Variants in CXCL1 observed in about 807,000 individuals in gnomAD.
The protein encoded by CXCL1 is C-X-C motif chemokine ligand 1, also known as growth-regulated alpha protein.
CXCL1 carries 9 observed loss-of-function variants against 11.7 expected under a neutral mutation model. The ratio of observed to expected loss-of-function variants is 0.77; its 90% CI spans 0.46 to 1.34. The LOEUF is 1.34. CXCL1 is among the 40% of genes most tolerant of loss of function. The pLI is 0.00. For synonymous variants in CXCL1, 78 were observed against 59.1 expected, an observed-to-expected ratio of 1.32 and a Z score of -1.47; for missense variants, 146 against 138.1, an observed-to-expected ratio of 1.06 and a Z score of -0.29.
chr4:73,870,207 C>G (rs569188798), intron 3 of CXCL1: 18 of 637,708 alleles, frequency 2.8e-5, no homozygotes, highest in African/African-American at 1.7e-4. Flanking sequence ...GTTCTTCCTT[C>G]GTTCCAATGA....
chr4:73,869,495 G>A lies in CXCL1; in HGVS notation c.25G>A (p.Ala9Thr). Residue 9 changes from alanine to threonine, a missense_variant, in exon 1 of 4, where the codon GCC becomes ACC. Physicochemically the swap from Ala to Thr is moderately conservative, Grantham distance 58 (BLOSUM62 0). Coordinates refer to ENST00000395761, the MANE Select transcript of CXCL1 (RefSeq NM_001511.4). Reference sequence around the variant, plus strand: ...CATGGCCCGCGCTGCTCTCTCCGCCGCCCCCAGCAATCCCCGGCTCCTGCG... The same window carrying A: ...CATGGCCCGCGCTGCTCTCTCCGCCACCCCCAGCAATCCCCGGCTCCTGCG... MARAALSA[A>T]PSNPRLLRVA... 1 of 1,581,776 alleles carries A rather than the reference G, an allele frequency of 6.3e-7. No homozygotes were observed. The highest frequency in any genetic ancestry group is 8.6e-7 in the Non-Finnish European group (1 of 1,164,756).
Position 73,870,514 on chromosome 4 carries a change from A to G in CXCL1, c.309-7A>G, listed in dbSNP as rs191116716. On this transcript the variant is annotated splice_region_variant and splice_polypyrimidine_tract_variant and intron_variant, in intron 3 of 3. Transcript: ENST00000395761. ...ACCTACTCAGGGCACCCATTTTCTC[A>G]TTGCAGTGACAAATCCAACTGACCA... 4.0e-5 allele frequency: 64 copies of G among 1,610,428 alleles called. No homozygotes were observed. The highest frequency in any genetic ancestry group is 1.7e-6 in the Non-Finnish European group (2 of 1,177,284).
At chr4:73,870,313 C>A in intron 3 of CXCL1, 2 of 542,638 alleles carry the variant, frequency 3.7e-6, no homozygotes, top group East Asian at 3.6e-5. Flanking sequence ...GACCACCGCC[C>A]CACCCCACCC....
Position 73,869,806 on chromosome 4 carries a change from C to A in CXCL1, c.224+14C>A. The stretch of plus-strand genomic sequence containing the variant: ...AACCGAAGTCATGTAAGTCCCGCCC[C>A]GCGCTGCCTCTGCCACCGCCGGGGT... On this transcript the variant is annotated intron_variant, in intron 2 of 3. Transcript: ENST00000395761. 3 of 1,613,788 alleles carry A rather than the reference C, an allele frequency of 1.9e-6. No homozygotes were observed. The highest frequency in any genetic ancestry group is 1.3e-5 in the African/African-American group (1 of 75,036).
At position 73,869,974 on chromosome 4, in the gene CXCL1, A is replaced by G. The variant is rs1423378232; in HGVS notation, c.293A>G (p.Glu98Gly). ...PASPIVKKII[E>G]KMLNSDKSN ...TCCCCCATAGTTAAGAAAATCATCG[A>G]AAAGATGCTGAACAGGTGAGTTATG... The change falls in exon 3 of 4, where the codon GAA becomes GGA. Residue 98 changes from glutamate to glycine, a missense_variant. Transcript: ENST00000395761. 1 of 1,614,144 alleles carries G rather than the reference A, an allele frequency of 6.2e-7. No individual in the cohort carries two copies. Among genetic ancestry groups the G allele is most frequent in the South Asian group, 1.1e-5 (1 of 91,084 alleles).
intron 2 of CXCL1, 28 bp downstream of exon 2, chr4:73,869,820 C>A: frequency 6.2e-7 from 1 of 1,613,680 alleles, no homozygotes. Flanking sequence ...CTGCCTCTGC[C>A]ACCGCCGGGG....
Sources: allele counts gnomAD v4.1 joint callset, GRCh38; gene constraint gnomAD v4.1.1; transcripts MANE v1.5; gene names NCBI Gene and HGNC (gene_info 2026-07-23, HGNC 2026-07-21).